The following CEP104 variants were observed in gnomAD, a reference collection of about 807,000 sequenced individuals.
The protein encoded by CEP104 is centrosomal protein 104.
A neutral mutation model predicts 113.3 loss-of-function variants in CEP104; 84 were observed. That is an observed-to-expected ratio of 0.74 (90% confidence interval 0.62 to 0.89). CEP104 has a LOEUF of 0.89. Among genes scored for constraint, CEP104 ranks in the 40% least tolerant of loss-of-function variants. CEP104 has a pLI of 0.00. For missense variants in CEP104, 1,053 were observed against 1,156.6 expected, an observed-to-expected ratio of 0.91 and a Z score of 1.30; for synonymous variants, 378 against 421.7, an observed-to-expected ratio of 0.90 and a Z score of 1.27.
In CEP104 at chr1:3,837,369, A is replaced by G. The variant is rs1294438828; in HGVS notation, c.1042T>C (p.Tyr348His). ...TGCTGAGGAGAAATAGTTAGAGAAT[A>G]TGATGAAGGCTTTTCCTGAAGGAAA... ...EPFLQEKPSS[Y>H]SLTISPQHSA... The change falls in exon 9 of 22, where the codon TAT becomes CAT. Residue 348 changes from tyrosine (Y) to histidine (H), a missense_variant. Coordinates refer to ENST00000378230, the MANE Select transcript of CEP104 (RefSeq NM_014704.4). 1.2e-6 allele frequency: 2 copies of G among 1,614,216 alleles called. No homozygotes were observed. The highest frequency in any genetic ancestry group is 8.5e-7 in the Non-Finnish European group (1 of 1,180,028).
At chr1:3,829,434 G>T in intron 14 of CEP104, 61 bp from the exon 15 acceptor site, 2 of 1,139,148 alleles carry the variant, frequency 1.8e-6, no homozygotes, top group South Asian at 1.4e-5. Flanking sequence ...GAAACTGGGA[G>T]ACAAATTATG....
intron 1 of CEP104, among the ~76,000 whole-genome samples, chr1:3,855,290 T>C (rs1644693717): frequency 6.6e-6 from 1 of 150,684 alleles, no homozygotes; most frequent in Non-Finnish European, 1.5e-5. Context: ...CAAATGATCC[T>C]CTTGTCTCAG....
intron 20 of CEP104, among the ~76,000 whole-genome samples, chr1:3,816,912 T>G (rs1431166657): frequency 6.6e-6 from 1 of 152,248 alleles, no homozygotes; most frequent in Non-Finnish European, 1.5e-5. Context: ...CGACCAGCTG[T>G]GGGACCGTCT....
intron 20 of CEP104, among the ~76,000 whole-genome samples, chr1:3,822,423 G>C (rs1016186519): frequency 2.6e-5 from 4 of 152,206 alleles, no homozygotes. Flanking sequence ...GACAAGGGGA[G>C]CCAGCAGCAG....
At chr1:3,830,034 A>G (rs1446443481) in intron 13 of CEP104, 37 bp from the exon 14 acceptor site, 1 of 1,426,928 alleles carries the variant, frequency 7.0e-7, no homozygotes, top group Admixed American at 1.7e-5. Flanking sequence ...TCATTCTTAA[A>G]ATAAAACTAA....
chr1:3,843,324 CT>C (rs1644447104), intron 6 of CEP104: 2 of 403,494 alleles, frequency 5.0e-6, no homozygotes, highest in Admixed American at 5.6e-5. Flanking sequence ...TCTTACACTG[CT>C]AAAAAAAAAA....
Position 3,845,516 on chromosome 1 carries a change from T to C in CEP104, c.427-165A>G, listed in dbSNP as rs6699785. Among the ~76,000 whole-genome samples the C allele has an allele frequency of 0.9, 137,587 of 152,082 alleles. 62,908 individuals carry two copies. Among genetic ancestry groups the C allele is most frequent in the Middle Eastern group, 0.97 (286 of 294 alleles). Reference sequence around the variant, plus strand: ...TGACCTCCCGGGCTCAAGGGATCCTTCACCTTAGCTGCCCTGGTAGCTGGG... The same window carrying C: ...TGACCTCCCGGGCTCAAGGGATCCTCCACCTTAGCTGCCCTGGTAGCTGGG... On this transcript the variant is annotated intron_variant, in intron 4 of 21. Coordinates refer to ENST00000378230, the MANE Select transcript of CEP104 (RefSeq NM_014704.4).
At chr1:3,826,227 G>T in intron 17 of CEP104, 143 bp downstream of exon 17, 1 of 684,744 alleles carries the variant, frequency 1.5e-6, no homozygotes. Context: ...CGGAGTGGAT[G>T]CTGGTTAGTG....
intron 1 of CEP104, among the ~76,000 whole-genome samples, chr1:3,854,932 C>T (rs1257033452): frequency 1.4e-5 from 2 of 142,938 alleles, no homozygotes; most frequent in African/African-American, 2.6e-5. Flanking sequence ...AGTGCAGTGG[C>T]GTGATCGCGG....
chr1:3,841,324 TTC>T (rs200130515), intron 6 of CEP104, among the ~76,000 whole-genome samples: 5,469 of 152,268 alleles, frequency 0.036, 359 homozygotes, highest in African/African-American at 0.12. Flanking sequence ...GTCACGGTAC[TTC>T]GCTCACAGCA....
At chr1:3,824,829 G>A (rs1210106800) in intron 18 of CEP104, among the ~76,000 whole-genome samples, 1 of 148,878 alleles carries the variant, frequency 6.7e-6, no homozygotes, top group East Asian at 2.0e-4. Flanking sequence ...ACGGTGGGAA[G>A]GGGGCAGTGG....
At chr1:3,838,611 T>A (rs1644357643) in intron 8 of CEP104, among the ~76,000 whole-genome samples, 2 of 152,214 alleles carry the variant, frequency 1.3e-5, no homozygotes, top group Admixed American at 6.5e-5. Context: ...AGCATTACGT[T>A]CTCACTTGAT....
At chr1:3,853,516 C>T (rs149384027) in intron 1 of CEP104, among the ~76,000 whole-genome samples, 2,856 of 152,224 alleles carry the variant, frequency 0.019, 31 homozygotes, top group Middle Eastern at 0.031. Context: ...AACATATAAA[C>T]ATACCCCCAC....
chr1:3,840,049 AGT>A (rs1202959605), intron 6 of CEP104, among the ~76,000 whole-genome samples: 1 of 152,194 alleles, frequency 6.6e-6, no homozygotes, highest in Non-Finnish European at 1.5e-5. Context: ...ATTCGCTCAG[AGT>A]GCAGACTCTG....
chr1:3,845,949 C>T lies in CEP104; in HGVS notation c.427-598G>A, dbSNP rs76751006. Among the ~76,000 whole-genome samples, 5 of 152,106 alleles carry T rather than the reference C, an allele frequency of 3.3e-5. No homozygotes were observed. In the East Asian group the frequency reaches 5.8e-4, roughly 18 times the overall value. On this transcript the variant is annotated intron_variant, in intron 4 of 21. Transcript: ENST00000378230. ...CTAAAAATACAAAATTAGCCAGGCA[C>T]ATGCCTGTAATCCCAGCTACTCAGG...
intron 1 of CEP104, among the ~76,000 whole-genome samples, chr1:3,854,729 T>G (rs1221556507): frequency 1.1e-4 from 17 of 149,742 alleles, no homozygotes; most frequent in Non-Finnish European, 1.0e-4. Context: ...TCTGCCCGCC[T>G]TGGCCTCCCA....
Position 3,841,454 on chromosome 1 carries a change from T to G in CEP104, c.567-1678A>C, listed in dbSNP as rs532953642. 2.6e-5 allele frequency among the ~76,000 whole-genome samples: 4 copies of G among 152,318 alleles called. No individual in the cohort carries two copies. The South Asian group carries it at 8.3e-4, about 32-fold the overall frequency. ...ACAAGATCACATTAACTATTTTTAG[T>G]GTAACACATATGACACTTTAAGTCA... On this transcript the variant is annotated intron_variant, in intron 6 of 21. Transcript: ENST00000378230.
At chr1:3,816,719 C>CA (rs1475878885) in intron 20 of CEP104, among the ~76,000 whole-genome samples, 2 of 152,268 alleles carry the variant, frequency 1.3e-5, no homozygotes, top group Non-Finnish European at 2.9e-5. Context: ...GATTACGTTC[C>CA]AGGCCAGAAG....
intron 20 of CEP104, among the ~76,000 whole-genome samples, chr1:3,820,169 C>T (rs1200379161): frequency 6.6e-6 from 1 of 152,080 alleles, no homozygotes; most frequent in Non-Finnish European, 1.5e-5. Flanking sequence ...CTTACAGGTA[C>T]TACCTGTAAG....
Sources: gnomAD v4.1 joint callset for allele counts (sites outside exome capture counted in the v4.1 genomes callset) on GRCh38, gnomAD v4.1.1 for gene constraint, MANE v1.5 for transcripts, NCBI Gene and HGNC (gene_info 2026-07-23, HGNC 2026-07-21) for gene names.